CAMKMT: variants seen among roughly 807,000 people sequenced by gnomAD.
CAMKMT encodes the protein calmodulin-lysine N-methyltransferase.
CAMKMT carries 53 observed loss-of-function variants against 48.0 expected under a neutral mutation model. The observed-to-expected ratio is 1.10, with a 90% CI of 0.89 to 1.39. CAMKMT has a LOEUF of 1.39. Among genes scored for constraint, CAMKMT ranks in the 40% most tolerant of loss-of-function variants. CAMKMT has a pLI of 0.00. For synonymous variants in CAMKMT, 165 were observed against 152.3 expected, an observed-to-expected ratio of 1.08 and a Z score of -0.61; for missense variants, 428 against 402.7, an observed-to-expected ratio of 1.06 and a Z score of -0.54.
intron 3 of CAMKMT, among the ~76,000 whole-genome samples, chr2:44,624,876 T>C (rs1184818824): frequency 1.3e-5 from 2 of 152,188 alleles, no homozygotes; most frequent in African/African-American, 2.4e-5. Flanking sequence ...GTATTTCTAG[T>C]TCTAGATCCC....
chr2:44,666,612 C>CTTTTTTTTTTTTTTTTTTTTTTTTTT (rs1293884982), intron 3 of CAMKMT, among the ~76,000 whole-genome samples: 2 of 133,974 alleles, frequency 1.5e-5, no homozygotes, highest in African/African-American at 5.9e-5. Context: ...CTCCTGGAAT[C>CTTTTTTTTTTTTTTTTTTTTTTTTTT]TTTTTTTTTT....
chr2:44,493,162 TG>T (rs1669594648), intron 3 of CAMKMT, among the ~76,000 whole-genome samples: 2 of 152,104 alleles, frequency 1.3e-5, no homozygotes, highest in African/African-American at 4.8e-5. Context: ...TCCAAAGTGC[TG>T]GGATTACAGG....
rs1677677733 is a variant in CAMKMT at position 44,708,272 on chromosome 2, C to G, written c.556+810C>G. Among the ~76,000 whole-genome samples the G allele has an allele frequency of 2.7e-5, 3 of 112,242 alleles. No individual in the cohort carries two copies. The Admixed American group carries it at 3.7e-4, about 14-fold the overall frequency. The allele number at this position is 112,242 out of a possible 152,430, so 73.6% of individuals were successfully genotyped here. On this transcript the variant is annotated intron_variant, in intron 6 of 10. Coordinates refer to ENST00000378494, the MANE Select transcript of CAMKMT (RefSeq NM_024766.5). ...ACATTTACATTATGAGGGAGACAAT[C>G]TACTTATTTGAATTTTAAGCTCCTA...
chr2:44,740,914 A>T lies in CAMKMT; in HGVS notation c.624-2708A>T, dbSNP rs183012187. ...TGAAGAGTACCTTCTAGAAAGAATG[A>T]GCTGTGAAAGATAGGAGGGGTTGGT... On this transcript the variant is annotated intron_variant, in intron 7 of 10. Transcript: ENST00000378494. Among the ~76,000 whole-genome samples, 222 of 152,278 alleles carry T rather than the reference A, an allele frequency of 1.5e-3. 2 individuals are homozygous for T. The highest frequency in any genetic ancestry group is 5.2e-3 in the South Asian group (25 of 4,816).
chr2:44,578,397 C>T (rs1669355483), intron 3 of CAMKMT, among the ~76,000 whole-genome samples: 2 of 152,074 alleles, frequency 1.3e-5, no homozygotes, highest in South Asian at 4.2e-4. Flanking sequence ...CATAATTATG[C>T]TGCTGCTTTA....
intron 7 of CAMKMT, among the ~76,000 whole-genome samples, chr2:44,722,141 T>C (rs951474633): frequency 2.0e-5 from 3 of 151,868 alleles, no homozygotes; most frequent in Non-Finnish European, 4.4e-5. Flanking sequence ...ACTCATCAGC[T>C]GATGGACATT....
intron 3 of CAMKMT, among the ~76,000 whole-genome samples, chr2:44,529,432 G>A (rs949464625): frequency 6.6e-6 from 1 of 152,140 alleles, no homozygotes; most frequent in Non-Finnish European, 1.5e-5. Flanking sequence ...ATGTAAAGTG[G>A]GTTGAACTTT....
intron 7 of CAMKMT, among the ~76,000 whole-genome samples, chr2:44,715,627 G>A (rs1030212248): frequency 6.6e-6 from 1 of 152,174 alleles, no homozygotes; most frequent in Non-Finnish European, 1.5e-5. Context: ...ACAGTATGAG[G>A]TTGGGAGAAG....
At chr2:44,467,387 C>T (rs1668175177) in intron 3 of CAMKMT, among the ~76,000 whole-genome samples, 1 of 151,944 alleles carries the variant, frequency 6.6e-6, no homozygotes, top group African/African-American at 2.4e-5. Context: ...CAAAAATTAG[C>T]CAGGCATGGT....
At chr2:44,373,024 GTT>G in intron 2 of CAMKMT, 136 bp downstream of exon 2, 1 of 807,394 alleles carries the variant, frequency 1.2e-6, no homozygotes, top group Non-Finnish European at 1.9e-6. Flanking sequence ...TTTACAACTT[GTT>G]TTAGGAAATC....
At chr2:44,527,359 A>AT (rs1460504075) in intron 3 of CAMKMT, among the ~76,000 whole-genome samples, 2 of 144,066 alleles carry the variant, frequency 1.4e-5, no homozygotes, top group East Asian at 3.9e-4. Flanking sequence ...TATATAATAT[A>AT]TATACGTATA....
chr2:44,399,748 T>C lies in CAMKMT; in HGVS notation c.376+9443T>C, dbSNP rs544468457. ...TAGAATTGAGGAAGACGGCTGTCAATGTAGGATTTTTCTTGCAGGAGGTGA... is the reference window on the plus strand; with the variant it reads ...TAGAATTGAGGAAGACGGCTGTCAACGTAGGATTTTTCTTGCAGGAGGTGA... On this transcript the variant is annotated intron_variant, in intron 3 of 10. Transcript: ENST00000378494. Among the ~76,000 whole-genome samples the C allele has an allele frequency of 5.9e-5, 9 of 152,192 alleles. No individual in the cohort carries two copies. In the South Asian group the frequency reaches 1.5e-3, roughly 25 times the overall value.
chr2:44,707,385 C>T lies in CAMKMT; in HGVS notation c.493-14C>T, dbSNP rs1480956623. The T allele has an allele frequency of 7.2e-7, 1 of 1,380,360 alleles. No homozygotes were observed. The highest frequency in any genetic ancestry group is 9.9e-7 in the Non-Finnish European group (1 of 1,008,290). The allele number at this position is 1,380,360 out of a possible 1,614,324, so 85.5% of individuals were successfully genotyped here. A position where few individuals can be genotyped will look rare whatever the true frequency, so the allele number is the denominator to read the frequency against. On this transcript the variant is annotated splice_polypyrimidine_tract_variant and intron_variant, in intron 5 of 10. Transcript: ENST00000378494. Reference sequence around the variant, plus strand: ...ATTTGCTCATTGTTTGCTGTGCTCCCTTTTTTTTTTCAGGTTGCTATTTCT... The same window carrying T: ...ATTTGCTCATTGTTTGCTGTGCTCCTTTTTTTTTTTCAGGTTGCTATTTCT...
intron 4 of CAMKMT, among the ~76,000 whole-genome samples, chr2:44,704,590 G>C (rs955771201): frequency 2.0e-5 from 3 of 151,142 alleles, no homozygotes; most frequent in Non-Finnish European, 2.9e-5. Flanking sequence ...TATGTCAAAG[G>C]CTTTTGATTT....
intron 3 of CAMKMT, among the ~76,000 whole-genome samples, chr2:44,692,012 G>A (rs745382504): frequency 6.6e-5 from 10 of 152,234 alleles, no homozygotes; most frequent in South Asian, 4.1e-4. Context: ...GGGTCAAAGC[G>A]GGAGGACAAG....
intron 3 of CAMKMT, among the ~76,000 whole-genome samples, chr2:44,475,968 A>T (rs568235748): frequency 1.3e-5 from 2 of 152,254 alleles, no homozygotes; most frequent in Non-Finnish European, 2.9e-5. Context: ...TTCTTATCAT[A>T]TAATGTATGG....
chr2:44,362,789 A>ATGG (rs1279481719), intron 1 of CAMKMT, among the ~76,000 whole-genome samples: 1 of 152,206 alleles, frequency 6.6e-6, no homozygotes, highest in African/African-American at 2.4e-5. Flanking sequence ...TTTTTGAATG[A>ATGG]TGGTATCTTC....
chr2:44,642,016 G>A (rs1015972164), intron 3 of CAMKMT, among the ~76,000 whole-genome samples: 2 of 152,110 alleles, frequency 1.3e-5, no homozygotes, highest in Non-Finnish European at 2.9e-5. Context: ...AGTCTTCTCT[G>A]GCTTACTATT....
At chr2:44,508,963 G>A (rs1461346460) in intron 3 of CAMKMT, among the ~76,000 whole-genome samples, 2 of 152,036 alleles carry the variant, frequency 1.3e-5, no homozygotes, top group Non-Finnish European at 1.5e-5. Context: ...GGGTGTGGTG[G>A]CATGTGCCTG....
Sources: gnomAD v4.1 joint callset for allele counts (sites outside exome capture counted in the v4.1 genomes callset) on GRCh38, gnomAD v4.1.1 for gene constraint, MANE v1.5 for transcripts, NCBI Gene and HGNC (gene_info 2026-07-23, HGNC 2026-07-21) for gene names.